Variants in SAFB2 observed in about 807,000 individuals in gnomAD.
SAFB2 encodes the protein scaffold attachment factor B2.
In SAFB2, 32 loss-of-function variants were observed where a neutral mutation model predicts 100.6. The observed-to-expected ratio is 0.32, with a 90% confidence interval of 0.24 to 0.43. The LOEUF (loss-of-function observed/expected upper bound fraction) is 0.43. Ranked by LOEUF, SAFB2 falls within the 20% of genes least tolerant of loss-of-function variation. The pLI, the probability that SAFB2 is intolerant of heterozygous loss-of-function variation, is 1.00. For missense variants in SAFB2, 1,185 were observed against 1,163.4 expected (o/e 1.02, Z -0.27); for synonymous variants, 500 against 439.4 (o/e 1.14, Z -1.72).
chr19:5,604,354 T>C (rs184010996), intron 11 of SAFB2, among the ~76,000 whole-genome samples: 203 of 152,314 alleles, frequency 1.3e-3, no homozygotes, highest in African/African-American at 4.8e-3. Flanking sequence ...GCAGTGCCAC[T>C]GCACTCCAGC....
intron 12 of SAFB2, 80 bp from the exon 13 acceptor site, chr19:5,598,964 T>C (rs2052593854): frequency 3.0e-6 from 4 of 1,313,442 alleles, no homozygotes; most frequent in Non-Finnish European, 4.3e-6. Flanking sequence ...TGATGGACCC[T>C]GGGCTTTTGA....
At chr19:5,589,594 C>T (rs2052343885) in intron 18 of SAFB2, among the ~76,000 whole-genome samples, 1 of 152,156 alleles carries the variant, frequency 6.6e-6, no homozygotes, top group Admixed American at 6.5e-5. Context: ...CTCCTCACGG[C>T]CAGCCCAGAC....
At chr19:5,612,473 T>C (rs749835813) in intron 6 of SAFB2, 67 bp downstream of exon 6, 4 of 1,380,174 alleles carry the variant, frequency 2.9e-6, no homozygotes, top group East Asian at 4.6e-5. Flanking sequence ...GCTTAAAATA[T>C]AGACAGCTTT....
At chr19:5,594,251 G>A (rs2052488487) in intron 14 of SAFB2, 73 bp from the exon 15 acceptor site, 2 of 1,459,430 alleles carry the variant, frequency 1.4e-6, no homozygotes, top group Non-Finnish European at 1.8e-6. Context: ...GCCCAAAACT[G>A]GGTGTGTATT....
intron 11 of SAFB2, among the ~76,000 whole-genome samples, chr19:5,603,161 G>C (rs573811309): frequency 9.2e-4 from 140 of 152,304 alleles, no homozygotes; most frequent in Middle Eastern, 3.4e-3. Context: ...CCAGCTACTA[G>C]GGAGGCTGAG....
intron 5 of SAFB2, 110 bp from the exon 6 acceptor site, chr19:5,612,677 A>C (rs1379509073): frequency 1.2e-6 from 1 of 841,032 alleles, no homozygotes. Context: ...CTGTTTCCAC[A>C]AAACTTTCTT....
Position 5,610,688 on chromosome 19 carries a change from G to A in SAFB2, c.1146C>T (p.Ser382=). ...TTATATCTTTTTCTTCCTTAAAAGA[G>A]CTAGAGACAAAAGTTAATGTTACTC... ...STSEGADQKM[S]SFKEEKDIKP... The change falls in exon 8 of 21, where the codon AGC becomes AGT. Residue 382 remains serine, a splice_region_variant and synonymous_variant. Transcript: ENST00000252542. 1.3e-6 allele frequency: 2 copies of A among 1,541,926 alleles called. No individual in the cohort carries two copies. The highest frequency in any genetic ancestry group is 1.2e-5 in the South Asian group (1 of 85,822).
intron 11 of SAFB2, among the ~76,000 whole-genome samples, chr19:5,604,275 G>A (rs538286799): frequency 5.3e-5 from 8 of 152,330 alleles, no homozygotes; most frequent in South Asian, 4.1e-4. Context: ...GGTGGTGTAC[G>A]CCTGCAGTAG....
At chr19:5,590,530 A>G (rs772369284) in intron 17 of SAFB2, 122 bp from the exon 18 acceptor site, 3 of 1,143,742 alleles carry the variant, frequency 2.6e-6, no homozygotes, top group Non-Finnish European at 3.6e-6. Flanking sequence ...GAGAGGACTG[A>G]AGGGTGCAGT....
intron 14 of SAFB2, 113 bp downstream of exon 14, chr19:5,595,248 G>C (rs1167869117): frequency 4.3e-6 from 6 of 1,406,740 alleles, no homozygotes; most frequent in Non-Finnish European, 5.8e-6. Flanking sequence ...ACACCCGCCA[G>C]CCCAGGCACT....
intron 13 of SAFB2, among the ~76,000 whole-genome samples, chr19:5,596,813 T>C (rs888382832): frequency 1.3e-5 from 2 of 152,130 alleles, no homozygotes; most frequent in Non-Finnish European, 2.9e-5. Flanking sequence ...ACAGAATCTC[T>C]GGGGCAGGGG....
intron 13 of SAFB2, 42 bp downstream of exon 13, chr19:5,598,751 G>A (rs765474307): frequency 1.4e-5 from 22 of 1,564,028 alleles, no homozygotes; most frequent in African/African-American, 9.5e-5. Context: ...TGGAGCCATC[G>A]TGAGAAACAG....
chr19:5,587,189 G>T lies in SAFB2; in HGVS notation c.*54C>A, dbSNP rs2052269239. 1 of 1,588,432 alleles carries T rather than the reference G, an allele frequency of 6.3e-7. No homozygotes were observed. The highest frequency in any genetic ancestry group is 1.1e-5 in the South Asian group (1 of 90,294). On this transcript the variant is annotated 3_prime_UTR_variant, in exon 21 of 21. Transcript: ENST00000252542. This position sits in a 1 kb window ranked among gnomAD's most constrained non-coding sequence, Gnocchi z 4.9. Reference sequence around the variant, plus strand: ...ATCCCCCAAGTTCGAGGGAACCCTGGCTACCAGATTCAACAGTGCGTCTGC... The same window carrying T: ...ATCCCCCAAGTTCGAGGGAACCCTGTCTACCAGATTCAACAGTGCGTCTGC...
At chr19:5,622,327 A>G (rs969816726) in intron 1 of SAFB2, among the ~76,000 whole-genome samples, 2 of 152,064 alleles carry the variant, frequency 1.3e-5, no homozygotes, top group East Asian at 3.9e-4. Context: ...AGGTGGAAAG[A>G]GGATAGGAAG....
At chr19:5,608,005 A>T (rs1279414357) in intron 9 of SAFB2, among the ~76,000 whole-genome samples, 1 of 152,330 alleles carries the variant, frequency 6.6e-6, no homozygotes, top group East Asian at 1.9e-4. Context: ...CTGATGACAG[A>T]CAAAACCCAA....
chr19:5,602,542 T>G (rs1486150169), intron 11 of SAFB2, among the ~76,000 whole-genome samples: 2 of 141,454 alleles, frequency 1.4e-5, no homozygotes, highest in East Asian at 4.3e-4. Context: ...GCCATGGGGC[T>G]CCGAGCAAAC....
chr19:5,588,824 C>T (rs2052323202), intron 18 of SAFB2: 1 of 152,272 alleles, frequency 6.6e-6, no homozygotes, highest in Admixed American at 6.5e-5. Context: ...CGCAAACCTC[C>T]ACTGACTGCA....
In SAFB2 at chr19:5,593,902, G is replaced by C; in HGVS notation, c.2196C>G (p.Tyr732Ter). The change falls in exon 15 of 21, where the codon TAC becomes TAG. Residue 732 changes from tyrosine (Y) to a stop codon, truncating the protein, a stop_gained. Coordinates refer to ENST00000252542, the MANE Select transcript of SAFB2 (RefSeq NM_014649.3). LOFTEE classifies it high-confidence loss of function. ...EQERRPGRRP[Y>*]DLDRRDDAYW... ...TGGGCGGGACTCACCGGTCCAGGTCGTAGGGCCTCCGCCCGGGCCGCCGCT... is the reference window on the plus strand; with the variant it reads ...TGGGCGGGACTCACCGGTCCAGGTCCTAGGGCCTCCGCCCGGGCCGCCGCT... 1 of 1,511,720 alleles carries C rather than the reference G, an allele frequency of 6.6e-7. No homozygotes were observed. Among genetic ancestry groups the C allele is most frequent in the Non-Finnish European group, 8.8e-7 (1 of 1,141,774 alleles). The allele number at this position is 1,511,720 out of a possible 1,614,324, so 93.6% of individuals were successfully genotyped here.
At chr19:5,613,365 T>C in intron 5 of SAFB2, 100 bp downstream of exon 5, 1 of 1,041,012 alleles carries the variant, frequency 9.6e-7, no homozygotes, top group South Asian at 1.5e-5. Context: ...TCCAGCACAG[T>C]ATCCAGTCAT....
Sources: gnomAD v4.1 joint callset for allele counts (sites outside exome capture counted in the v4.1 genomes callset) on GRCh38, gnomAD v4.1.1 for gene constraint, Gnocchi (gnomAD v3.1) non-coding constraint, MANE v1.5 for transcripts, NCBI Gene and HGNC (gene_info 2026-07-23, HGNC 2026-07-21) for gene names.